SPTLC3: variants seen among roughly 807,000 people sequenced by gnomAD.
SPTLC3 encodes the protein serine palmitoyltransferase 3.
In SPTLC3, 36 loss-of-function variants were observed where a neutral mutation model predicts 59.3. The observed-to-expected ratio is 0.61, with a 90% CI of 0.47 to 0.80. The LOEUF (loss-of-function observed/expected upper bound fraction) is 0.80. Ranked by LOEUF, SPTLC3 falls within the 30% of genes least tolerant of loss-of-function variation. The pLI, the probability that SPTLC3 is intolerant of heterozygous loss-of-function variation, is 0.00. For missense variants in SPTLC3, 625 were observed against 685.1 expected, an observed-to-expected ratio of 0.91 and a Z score of 0.98; for synonymous variants, 257 against 240.8, an observed-to-expected ratio of 1.07 and a Z score of -0.62.
chr20:13,131,851 T>TA (rs2038127457), intron 9 of SPTLC3, among the ~76,000 whole-genome samples: 1 of 152,142 alleles, frequency 6.6e-6, no homozygotes, highest in South Asian at 2.1e-4. Flanking sequence ...TCTGTCGTCT[T>TA]TTCAGCTTAC....
intron 3 of SPTLC3, among the ~76,000 whole-genome samples, chr20:13,073,388 T>C (rs1316403574): frequency 6.6e-6 from 1 of 152,220 alleles, no homozygotes; most frequent in Non-Finnish European, 1.5e-5. Context: ...AAGGTTTTCT[T>C]TCTTTTTCTT....
At chr20:13,059,167 G>A (rs970198827) in intron 2 of SPTLC3, among the ~76,000 whole-genome samples, 6 of 152,086 alleles carry the variant, frequency 3.9e-5, no homozygotes, top group Non-Finnish European at 8.8e-5. Flanking sequence ...TAATCTCAGA[G>A]TTAAATTCAA....
chr20:13,094,836 C>T (rs1483218593), intron 6 of SPTLC3, among the ~76,000 whole-genome samples: 5 of 152,164 alleles, frequency 3.3e-5, no homozygotes, highest in Admixed American at 3.3e-4. Context: ...CAGGACCAGA[C>T]CTTCCAGAAG....
chr20:13,047,808 T>C (rs1265706202), intron 1 of SPTLC3, among the ~76,000 whole-genome samples: 1 of 152,110 alleles, frequency 6.6e-6, no homozygotes, highest in African/African-American at 2.4e-5. Context: ...AAAAATAATA[T>C]CATGAACACC....
At chr20:13,145,837 A>G (rs1181803918) in intron 9 of SPTLC3, among the ~76,000 whole-genome samples, 1 of 152,242 alleles carries the variant, frequency 6.6e-6, no homozygotes, top group African/African-American at 2.4e-5. Context: ...ATAAGACTGC[A>G]TATCTTCAAC....
chr20:13,080,081 C>T (rs1275784392), intron 4 of SPTLC3, among the ~76,000 whole-genome samples: 2 of 152,136 alleles, frequency 1.3e-5, no homozygotes, highest in African/African-American at 2.4e-5. Flanking sequence ...AGTCAAAGAA[C>T]ACAATTGGAA....
At chr20:13,090,989 G>A in intron 4 of SPTLC3, 94 bp from the exon 5 acceptor site, 1 of 1,523,992 alleles carries the variant, frequency 6.6e-7, no homozygotes, top group Non-Finnish European at 8.9e-7. Context: ...TCTTGTATAG[G>A]TCTTTTGGTG....
Position 13,165,866 on chromosome 20 carries a change from C to T in SPTLC3, c.*999C>T, listed in dbSNP as rs1031387394. On this transcript the variant is annotated 3_prime_UTR_variant, in exon 12 of 12. Transcript: ENST00000399002. ...TCAAGACCAACACACTTGTTTAGGC[C>T]TATTAAATTGTACTATCACTTGTTA... The T allele has an allele frequency of 2.0e-5, 3 of 152,164 alleles. No homozygotes were observed. The highest frequency in any genetic ancestry group is 7.2e-5 in the African/African-American group (3 of 41,436). The allele number at this position is 152,164 out of a possible 1,614,324, so 9.4% of individuals were successfully genotyped here.
chr20:13,092,633 A>G (rs545715238), intron 5 of SPTLC3, among the ~76,000 whole-genome samples: 1 of 152,302 alleles, frequency 6.6e-6, no homozygotes, highest in African/African-American at 2.4e-5. Flanking sequence ...AGGCTTATAG[A>G]TAACTCCTAA....
At chr20:13,080,113 GACA>G (rs951090623) in intron 4 of SPTLC3, among the ~76,000 whole-genome samples, 4 of 152,084 alleles carry the variant, frequency 2.6e-5, no homozygotes, top group African/African-American at 7.2e-5. Flanking sequence ...CAATATATAT[GACA>G]ACATGTTAAT....
chr20:13,080,654 A>C (rs2327690), intron 4 of SPTLC3, among the ~76,000 whole-genome samples: 71,783 of 151,758 alleles, frequency 0.47, 16,977 homozygotes, highest in East Asian at 0.52. Context: ...AAAAATAATA[A>C]CCCGTAGTTT....
chr20:13,046,783 C>T (rs565044712), intron 1 of SPTLC3, among the ~76,000 whole-genome samples: 1 of 152,328 alleles, frequency 6.6e-6, no homozygotes, highest in East Asian at 1.9e-4. Context: ...GGAATGGGGT[C>T]TGTCTTGTTC....
chr20:13,140,840 G>A (rs906663124), intron 9 of SPTLC3, among the ~76,000 whole-genome samples: 1 of 152,256 alleles, frequency 6.6e-6, no homozygotes, highest in South Asian at 2.1e-4. Flanking sequence ...ATACAACCAT[G>A]CCTCTTTGTT....
intron 2 of SPTLC3, chr20:13,051,041 A>G (rs979312042): frequency 1.3e-5 from 2 of 152,256 alleles, no homozygotes; most frequent in African/African-American, 2.4e-5. Flanking sequence ...GAAAAAACCC[A>G]AAGTACACAG....
chr20:13,100,105 A>C (rs1384606055), intron 6 of SPTLC3, among the ~76,000 whole-genome samples: 1 of 152,202 alleles, frequency 6.6e-6, no homozygotes, highest in Non-Finnish European at 1.5e-5. Context: ...GGAAGTGGAC[A>C]TCCTTTGTTA....
At chr20:13,110,032 A>G in intron 6 of SPTLC3, 80 bp from the exon 7 acceptor site, 2 of 1,257,792 alleles carry the variant, frequency 1.6e-6, no homozygotes, top group Admixed American at 4.7e-5. Context: ...GTGTGAACAT[A>G]AAACATCTGG....
chr20:13,075,150 A>T (rs990648584), intron 4 of SPTLC3, among the ~76,000 whole-genome samples: 1 of 142,682 alleles, frequency 7.0e-6, no homozygotes, highest in Non-Finnish European at 1.5e-5. Flanking sequence ...AAAAAAAAAA[A>T]CCTGTGTAGG....
chr20:13,133,902 C>G (rs1422190420), intron 9 of SPTLC3, among the ~76,000 whole-genome samples: 2 of 152,200 alleles, frequency 1.3e-5, no homozygotes, highest in Admixed American at 1.3e-4. Context: ...CTTTATTCAA[C>G]CTTTACTCAG....
chr20:13,089,433 A>G (rs1432423073), intron 4 of SPTLC3, among the ~76,000 whole-genome samples: 3 of 152,356 alleles, frequency 2.0e-5, no homozygotes, highest in East Asian at 1.9e-4. Flanking sequence ...CAATTTAATT[A>G]TACATTTTCT....
Sources: allele counts gnomAD v4.1 joint callset (sites outside exome capture counted in the v4.1 genomes callset), GRCh38; gene constraint gnomAD v4.1.1; transcripts MANE v1.5; gene names NCBI Gene and HGNC (gene_info 2026-07-23, HGNC 2026-07-21).